Variants in ADAMTSL1 observed in about 807,000 individuals in gnomAD.
The protein encoded by ADAMTSL1 is ADAMTS-like protein 1.
Under a neutral mutation model 201.8 loss-of-function variants are expected in ADAMTSL1, and 126 were observed. The ratio of observed to expected loss-of-function variants is 0.62; its 90% CI spans 0.54 to 0.72. The LOEUF is 0.72. ADAMTSL1 is among the 30% of genes least tolerant of loss of function. The pLI, the probability that ADAMTSL1 is intolerant of heterozygous loss-of-function variation, is 0.00. For missense variants in ADAMTSL1, 2,679 were observed against 2,277.8 expected, an observed-to-expected ratio of 1.18 and a Z score of -3.59; for synonymous variants, 1,121 against 903.4, an observed-to-expected ratio of 1.24 and a Z score of -4.32.
At chr9:18,907,328 G>A (rs1423717741) in intron 28 of ADAMTSL1, 5 of 198,780 alleles carry the variant, frequency 2.5e-5, no homozygotes, top group Admixed American at 1.7e-4. Flanking sequence ...CCAGATCTGC[G>A]CCCATCACAC....
intron 1 of ADAMTSL1, among the ~76,000 whole-genome samples, chr9:17,964,202 G>C (rs943085850): frequency 1.4e-4 from 21 of 152,122 alleles, no homozygotes; most frequent in Admixed American, 1.1e-3. Context: ...GTCACTTGAT[G>C]GAACACCATG....
intron 23 of ADAMTSL1, among the ~76,000 whole-genome samples, chr9:18,861,896 G>T (rs55658662): frequency 1.4e-4 from 22 of 152,036 alleles, no homozygotes; most frequent in African/African-American, 9.7e-5. Flanking sequence ...ACTCTCCCCC[G>T]TCTTTACTTC....
At chr9:18,799,457 C>G (rs535701392) in intron 20 of ADAMTSL1, among the ~76,000 whole-genome samples, 73 of 152,306 alleles carry the variant, frequency 4.8e-4, no homozygotes, top group African/African-American at 1.7e-3. Flanking sequence ...TTGCTTCAGT[C>G]TGGATCCGTG....
intron 2 of ADAMTSL1, among the ~76,000 whole-genome samples, chr9:18,427,813 G>A (rs931566335): frequency 6.6e-6 from 1 of 152,238 alleles, no homozygotes; most frequent in Non-Finnish European, 1.5e-5. Context: ...CAGAGGCGGA[G>A]CCTGCTCTGC....
At chr9:18,159,259 A>G (rs776079573) in intron 1 of ADAMTSL1, among the ~76,000 whole-genome samples, 2 of 152,026 alleles carry the variant, frequency 1.3e-5, no homozygotes, top group African/African-American at 2.4e-5. Flanking sequence ...AAAATTTTTA[A>G]CCGTGTGGTT....
intron 1 of ADAMTSL1, among the ~76,000 whole-genome samples, chr9:18,084,802 A>G (rs1823671819): frequency 6.7e-6 from 1 of 148,406 alleles, no homozygotes; most frequent in Non-Finnish European, 1.5e-5. Context: ...AAAAATCCTT[A>G]CAATCATGCA....
At position 18,826,270 on chromosome 9, in the gene ADAMTSL1, T is replaced by A; in HGVS notation, c.3935-14T>A. On this transcript the variant is annotated splice_polypyrimidine_tract_variant and intron_variant, in intron 21 of 28. Coordinates refer to ENST00000380548, the MANE Select transcript of ADAMTSL1 (RefSeq NM_001040272.6). The stretch of plus-strand genomic sequence containing the variant: ...TGATGAGTGGGGTTTTTTGTTTTTT[T>A]TTTTTCTTCCTAGGAGTGCCTGAAG... 1 of 1,595,334 alleles carries A rather than the reference T, an allele frequency of 6.3e-7. No individual in the cohort carries two copies. The highest frequency in any genetic ancestry group is 8.5e-7 in the Non-Finnish European group (1 of 1,170,686).
At position 18,887,918 on chromosome 9, in the gene ADAMTSL1, A is replaced by ACATCTTGGCAGCTGGACAGATCCTTC; in HGVS notation, c.4338_4363dup (p.Gln1455ProfsTer39). On this transcript the variant is annotated frameshift_variant, in exon 24 of 29. Coordinates refer to ENST00000380548, the MANE Select transcript of ADAMTSL1 (RefSeq NM_001040272.6). LOFTEE classifies it high-confidence loss of function. Reference sequence around the variant, plus strand: ...GTCACTGCCACAGGACTGACGCATCACATCTTGGCAGCTGGACAGATCCTT... The same window carrying ACATCTTGGCAGCTGGACAGATCCTTC: ...GTCACTGCCACAGGACTGACGCATCACATCTTGGCAGCTGGACAGATCCTTCCATCTTGGCAGCTGGACAGATCCTT... 6.2e-7 allele frequency: 1 copy of ACATCTTGGCAGCTGGACAGATCCTTC among 1,613,956 alleles called. No individual in the cohort carries two copies. The highest frequency in any genetic ancestry group is 8.5e-7 in the Non-Finnish European group (1 of 1,179,888).
intron 5 of ADAMTSL1, among the ~76,000 whole-genome samples, chr9:18,625,967 T>C (rs1308946863): frequency 6.6e-6 from 1 of 152,220 alleles, no homozygotes; most frequent in Non-Finnish European, 1.5e-5. Context: ...GGACTATCAT[T>C]CTAGCTCAAA....
chr9:18,786,152 G>A (rs1352220149), intron 19 of ADAMTSL1, among the ~76,000 whole-genome samples: 1 of 152,192 alleles, frequency 6.6e-6, no homozygotes, highest in South Asian at 2.1e-4. Context: ...TTCTTCCTGT[G>A]GGTGGGAGGT....
Position 18,170,522 on chromosome 9 carries a change from G to A in ADAMTSL1, c.207+6541G>A, listed in dbSNP as rs181395129. On this transcript the variant is annotated intron_variant, in intron 2 of 29. Coordinates refer to the ADAMTSL1 transcript ENST00000680146. ...AAGAGGTACAAAATGGAGTATTAAC[G>A]AATAACTCAAAGATATAAAGTTAAT... Among the ~76,000 whole-genome samples, 17 of 152,052 alleles carry A rather than the reference G, an allele frequency of 1.1e-4. No individual in the cohort carries two copies. The East Asian group carries it at 2.9e-3, about 26-fold the overall frequency.
chr9:18,116,670 T>G (rs1341750065), intron 1 of ADAMTSL1, among the ~76,000 whole-genome samples: 2 of 152,222 alleles, frequency 1.3e-5, no homozygotes, highest in East Asian at 3.9e-4. Flanking sequence ...AGGCCATTTT[T>G]ATTAAAATTT....
At chr9:18,270,250 A>G (rs1255148130) in intron 2 of ADAMTSL1, among the ~76,000 whole-genome samples, 1 of 152,042 alleles carries the variant, frequency 6.6e-6, no homozygotes, top group Admixed American at 6.6e-5. Flanking sequence ...ACTCTGGGGT[A>G]CCTTTTATAA....
intron 13 of ADAMTSL1, among the ~76,000 whole-genome samples, chr9:18,698,429 T>C (rs1177687709): frequency 6.6e-6 from 1 of 152,074 alleles, no homozygotes; most frequent in Non-Finnish European, 1.5e-5. Flanking sequence ...GGCTTGCAGG[T>C]GTATGCCACC....
At chr9:17,949,024 C>T (rs998235576) in intron 1 of ADAMTSL1, among the ~76,000 whole-genome samples, 36 of 152,206 alleles carry the variant, frequency 2.4e-4, no homozygotes, top group Non-Finnish European at 4.7e-4. Flanking sequence ...AAATTTTATC[C>T]CACTGTAAGA....
chr9:18,817,630 G>A (rs1823945079), intron 21 of ADAMTSL1, among the ~76,000 whole-genome samples: 1 of 152,208 alleles, frequency 6.6e-6, no homozygotes, highest in Non-Finnish European at 1.5e-5. Context: ...AGCCCAGAGT[G>A]CAGAAATGCA....
chr9:18,842,408 T>G (rs1180201303), intron 23 of ADAMTSL1, among the ~76,000 whole-genome samples: 2 of 152,222 alleles, frequency 1.3e-5, no homozygotes, highest in Non-Finnish European at 2.9e-5. Flanking sequence ...AGGGACAGTT[T>G]GTTATAATTT....
chr9:18,664,440 T>G (rs1426134736), intron 9 of ADAMTSL1, among the ~76,000 whole-genome samples: 1 of 152,078 alleles, frequency 6.6e-6, no homozygotes, highest in Non-Finnish European at 1.5e-5. Flanking sequence ...ACAATGACAT[T>G]CAACCAACAC....
chr9:18,478,538 T>A (rs183850502), intron 1 of ADAMTSL1, among the ~76,000 whole-genome samples: 1 of 152,342 alleles, frequency 6.6e-6, no homozygotes, highest in African/African-American at 2.4e-5. Context: ...TATGTGTAGT[T>A]CTGTTTCTTT....
Sources: gnomAD v4.1 joint callset for allele counts (sites outside exome capture counted in the v4.1 genomes callset) on GRCh38, gnomAD v4.1.1 for gene constraint, MANE v1.5 for transcripts, NCBI Gene and HGNC (gene_info 2026-07-23, HGNC 2026-07-21) for gene names.